Variants in CAMK4 observed in about 807,000 individuals in gnomAD.
CAMK4 encodes calcium/calmodulin-dependent protein kinase type IV.
In CAMK4, 22 loss-of-function variants were observed where a neutral mutation model predicts 44.9. That is an observed-to-expected ratio of 0.49 (90% CI 0.35 to 0.70). The LOEUF (loss-of-function observed/expected upper bound fraction) is 0.70, where lower values mean the gene tolerates loss of function less well. Ranked by LOEUF, CAMK4 falls within the 30% of genes least tolerant of loss-of-function variation. The pLI is 0.01. For synonymous variants in CAMK4, 218 were observed against 215.4 expected (o/e 1.01, Z -0.11); for missense variants, 498 against 586.8 (o/e 0.85, Z 1.56).
At chr5:111,391,537 G>T (rs1248672750) in intron 4 of CAMK4, among the ~76,000 whole-genome samples, 1 of 151,662 alleles carries the variant, frequency 6.6e-6, no homozygotes, top group African/African-American at 2.4e-5. Context: ...AAAAAAACAT[G>T]AAAATAAGAC....
chr5:111,470,154 C>A (rs1755012995), intron 7 of CAMK4, among the ~76,000 whole-genome samples: 1 of 152,186 alleles, frequency 6.6e-6, no homozygotes, highest in Non-Finnish European at 1.5e-5. Flanking sequence ...TCTGAGTTCC[C>A]CTTTACAAGG....
intron 4 of CAMK4, among the ~76,000 whole-genome samples, chr5:111,381,790 C>A (rs1352640852): frequency 6.6e-6 from 1 of 152,082 alleles, no homozygotes; most frequent in East Asian, 1.9e-4. Flanking sequence ...GCTTGTCTGA[C>A]CCACCATTGC....
At chr5:111,474,727 C>A (rs114605286) in intron 8 of CAMK4, among the ~76,000 whole-genome samples, 1 of 150,010 alleles carries the variant, frequency 6.7e-6, no homozygotes, top group Admixed American at 6.7e-5. Context: ...CCCACAAGCA[C>A]GTTAGCAAAC....
chr5:111,240,717 C>A (rs1391287160), intron 1 of CAMK4, among the ~76,000 whole-genome samples: 2 of 152,028 alleles, frequency 1.3e-5, no homozygotes, highest in East Asian at 1.9e-4. Context: ...GAAGGCCTCT[C>A]GGTAAAGGAG....
At chr5:111,267,060 CT>C (rs1339526023) in intron 1 of CAMK4, among the ~76,000 whole-genome samples, 1 of 152,142 alleles carries the variant, frequency 6.6e-6, no homozygotes, top group Non-Finnish European at 1.5e-5. Flanking sequence ...CATTCCACAT[CT>C]TTGGTCAGTA....
chr5:111,224,123 G>T (rs74294411), upstream of CAMK4: 1 of 187,206 alleles, frequency 5.3e-6, no homozygotes, highest in African/African-American at 2.4e-5. The surrounding 1 kb of genome is among the most constrained non-coding windows in gnomAD (Gnocchi z 5.7). Context: ...CCGGCACCGC[G>T]GCAGCCACAG....
intron 1 of CAMK4, among the ~76,000 whole-genome samples, chr5:111,232,639 T>C (rs1580455962): frequency 6.6e-6 from 1 of 152,124 alleles, no homozygotes; most frequent in East Asian, 1.9e-4. Flanking sequence ...AAGTAACCAT[T>C]GTGAGAGAAA....
chr5:111,455,547 C>A (rs982045993), intron 7 of CAMK4, among the ~76,000 whole-genome samples: 10 of 152,198 alleles, frequency 6.6e-5, no homozygotes, highest in Admixed American at 2.6e-4. Context: ...TTGAATGATA[C>A]CTCCCAAAGG....
intron 1 of CAMK4, among the ~76,000 whole-genome samples, chr5:111,335,428 T>C (rs970735944): frequency 3.3e-5 from 5 of 151,360 alleles, no homozygotes; most frequent in African/African-American, 1.2e-4. Context: ...GGGTGAATAG[T>C]TATGTCAACA....
chr5:111,399,361 A>G (rs1752140219), intron 5 of CAMK4, among the ~76,000 whole-genome samples: 3 of 152,164 alleles, frequency 2.0e-5, no homozygotes, highest in Non-Finnish European at 2.9e-5. Context: ...CACTCTACCT[A>G]TAATAATAAC....
chr5:111,370,469 G>T (rs73214499), intron 2 of CAMK4, among the ~76,000 whole-genome samples: 1 of 152,044 alleles, frequency 6.6e-6, no homozygotes. Context: ...GAAAAATGGC[G>T]GGTGTGGGAG....
At chr5:111,433,030 G>A (rs1753513328) in intron 5 of CAMK4, among the ~76,000 whole-genome samples, 2 of 152,172 alleles carry the variant, frequency 1.3e-5, no homozygotes. Context: ...ATGGGAGGCA[G>A]AGAAAATGAT....
chr5:111,325,502 C>A (rs2112705372), intron 1 of CAMK4, among the ~76,000 whole-genome samples: 1 of 152,218 alleles, frequency 6.6e-6, no homozygotes, highest in East Asian at 1.9e-4. Context: ...ATTCCTATTT[C>A]TCCACAGCCT....
chr5:111,446,634 C>T (rs544431829), intron 5 of CAMK4, 52 bp from the exon 6 acceptor site: 69 of 911,458 alleles, frequency 7.6e-5, no homozygotes, highest in Non-Finnish European at 1.1e-4. Flanking sequence ...TATAGACATT[C>T]GAACCATAAA....
At chr5:111,247,277 A>G (rs1186398217) in intron 1 of CAMK4, among the ~76,000 whole-genome samples, 1 of 148,528 alleles carries the variant, frequency 6.7e-6, no homozygotes, top group Admixed American at 6.8e-5. Context: ...TTATTTATAA[A>G]TATTTTCTAT....
intron 1 of CAMK4, among the ~76,000 whole-genome samples, chr5:111,266,672 T>C (rs1226851073): frequency 2.6e-5 from 4 of 152,214 alleles, no homozygotes; most frequent in Non-Finnish European, 5.9e-5. Context: ...CTCATACTCG[T>C]TTTGGAGATG....
At chr5:111,315,026 A>G (rs1748361520) in intron 1 of CAMK4, among the ~76,000 whole-genome samples, 1 of 152,080 alleles carries the variant, frequency 6.6e-6, no homozygotes, top group Non-Finnish European at 1.5e-5. Flanking sequence ...CTACATGGCT[A>G]TTTCTGTTCA....
At chr5:111,383,459 A>T (rs1751488150) in intron 4 of CAMK4, among the ~76,000 whole-genome samples, 1 of 152,158 alleles carries the variant, frequency 6.6e-6, no homozygotes, top group Non-Finnish European at 1.5e-5. Flanking sequence ...GCACACGATT[A>T]CTGAATCAGA....
At chr5:111,481,681 T>A (rs895056286) in intron 9 of CAMK4, among the ~76,000 whole-genome samples, 4 of 152,182 alleles carry the variant, frequency 2.6e-5, no homozygotes, top group African/African-American at 9.7e-5. Context: ...CATGCTGTAG[T>A]GGCCACAAGA....
Sources: allele counts gnomAD v4.1 joint callset (sites outside exome capture counted in the v4.1 genomes callset), GRCh38; gene constraint gnomAD v4.1.1; non-coding constraint Gnocchi (gnomAD v3.1); transcripts MANE v1.5; gene names NCBI Gene and HGNC (gene_info 2026-07-23, HGNC 2026-07-21).